The following SYT14 variants were observed in gnomAD, a reference collection of about 807,000 sequenced individuals.
The protein encoded by SYT14 is synaptotagmin 14.
Under a neutral mutation model 74.2 loss-of-function variants are expected in SYT14, and 32 were observed. The ratio of observed to expected loss-of-function variants is 0.43; its 90% confidence interval spans 0.33 to 0.58. The LOEUF (loss-of-function observed/expected upper bound fraction) is 0.58, where lower values mean the gene tolerates loss of function less well. SYT14 is among the 20% of genes least tolerant of loss of function. The probability of loss-of-function intolerance (pLI) is 0.05; values close to 1 mark genes in which losing one functional copy is unlikely to be tolerated. For synonymous variants in SYT14, 298 were observed against 337.7 expected (o/e 0.88, Z 1.29); for missense variants, 791 against 981.8 (o/e 0.81, Z 2.60).
chr1:210,005,255 A>G (rs755353172), intron 2 of SYT14, among the ~76,000 whole-genome samples: 10 of 152,014 alleles, frequency 6.6e-5, no homozygotes, highest in Non-Finnish European at 1.2e-4. Flanking sequence ...CAGGTGTCCT[A>G]ATATTAAAAT....
chr1:209,947,043 A>G (rs753175460), intron 1 of SYT14, among the ~76,000 whole-genome samples: 27 of 152,214 alleles, frequency 1.8e-4, no homozygotes, highest in Admixed American at 1.5e-3. Flanking sequence ...TTTATTGAAT[A>G]TTTTGAGTCT....
At chr1:209,980,018 T>C (rs531113967) in intron 2 of SYT14, among the ~76,000 whole-genome samples, 2 of 152,338 alleles carry the variant, frequency 1.3e-5, no homozygotes. Flanking sequence ...CTCTAGGTTT[T>C]TGAAGAATCA....
intron 5 of SYT14, among the ~76,000 whole-genome samples, chr1:210,080,970 G>A (rs2081605084): frequency 6.6e-6 from 1 of 152,066 alleles, no homozygotes; most frequent in Non-Finnish European, 1.5e-5. Flanking sequence ...GATAATATGT[G>A]AACTTACCCA....
chr1:209,985,799 A>G (rs2079560491), intron 2 of SYT14, among the ~76,000 whole-genome samples: 1 of 152,232 alleles, frequency 6.6e-6, no homozygotes, highest in Admixed American at 6.5e-5. Flanking sequence ...AAGTGCCTAC[A>G]GGCTTAACAC....
At chr1:209,954,853 A>G (rs1010868352) in intron 2 of SYT14, among the ~76,000 whole-genome samples, 1 of 151,826 alleles carries the variant, frequency 6.6e-6, no homozygotes, top group Non-Finnish European at 1.5e-5. Flanking sequence ...TTACAGGCGC[A>G]TGCCACCATG....
chr1:210,168,465 T>C (rs893650455), exon 10 of SYT14: 1 of 152,224 alleles, frequency 6.6e-6, no homozygotes, highest in Admixed American at 6.5e-5. Flanking sequence ...AACATCTTTC[T>C]GTTTATTACA....
At chr1:210,121,744 A>G (rs1170150598) in intron 7 of SYT14, among the ~76,000 whole-genome samples, 1 of 151,818 alleles carries the variant, frequency 6.6e-6, no homozygotes, top group Non-Finnish European at 1.5e-5. Context: ...CAGTGAGCCA[A>G]GATCGCACCA....
chr1:209,969,973 A>G (rs1460474272), intron 2 of SYT14, among the ~76,000 whole-genome samples: 2 of 152,128 alleles, frequency 1.3e-5, no homozygotes, highest in Non-Finnish European at 2.9e-5. Flanking sequence ...TGTCAGATAC[A>G]TAGTTTGCAA....
intron 5 of SYT14, among the ~76,000 whole-genome samples, chr1:210,023,492 T>C (rs540912412): frequency 2.3e-3 from 352 of 152,066 alleles, no homozygotes; most frequent in Non-Finnish European, 4.0e-3. Context: ...TACAGGCGCC[T>C]GCCACCATGC....
intron 7 of SYT14, among the ~76,000 whole-genome samples, chr1:210,115,692 C>A (rs949911804): frequency 6.6e-6 from 1 of 151,186 alleles, no homozygotes; most frequent in African/African-American, 2.5e-5. Context: ...TAAAAAGAGG[C>A]CACTTACCCG....
chr1:210,098,986 C>T (rs1249494494), intron 6 of SYT14, among the ~76,000 whole-genome samples: 1 of 152,020 alleles, frequency 6.6e-6, no homozygotes, highest in Non-Finnish European at 1.5e-5. Flanking sequence ...AGCTAACACT[C>T]AGGAAGGTTT....
chr1:210,028,214 C>T (rs1055331658), intron 5 of SYT14, among the ~76,000 whole-genome samples: 7 of 146,142 alleles, frequency 4.8e-5, no homozygotes, highest in African/African-American at 1.8e-4. Flanking sequence ...CAAGATTCAT[C>T]CATGTTGTAG....
In SYT14 at chr1:210,160,648, C is replaced by T. The variant is rs147736014; in HGVS notation, c.2282-81C>T. 20 of 1,215,130 alleles carry T rather than the reference C, an allele frequency of 1.6e-5. No homozygotes were observed. In the East Asian group the frequency reaches 5.1e-4, roughly 31 times the overall value. The allele number at this position is 1,215,130 out of a possible 1,614,324, so 75.3% of individuals were successfully genotyped here. A position where few individuals can be genotyped will look rare whatever the true frequency, so the allele number is the denominator to read the frequency against. Reference sequence around the variant, plus strand: ...ACCATATCCTTATAAAGTATAAATACTTAATTTTCTTAGCCTATAAAAAAT... The same window carrying T: ...ACCATATCCTTATAAAGTATAAATATTTAATTTTCTTAGCCTATAAAAAAT... On this transcript the variant is annotated intron_variant, in intron 9 of 9. Transcript: ENST00000637265.
At chr1:209,980,307 T>A (rs1247723615) in intron 2 of SYT14, among the ~76,000 whole-genome samples, 1 of 152,166 alleles carries the variant, frequency 6.6e-6, no homozygotes, top group South Asian at 2.1e-4. Context: ...GGTTTTTTTC[T>A]TGTAAATTTG....
chr1:210,061,350 A>C (rs2081204401), intron 5 of SYT14, among the ~76,000 whole-genome samples: 1 of 151,964 alleles, frequency 6.6e-6, no homozygotes, highest in Non-Finnish European at 1.5e-5. Context: ...AAATTATCAA[A>C]ATATATGCGT....
chr1:209,995,032 C>CA (rs1460553049), intron 2 of SYT14, among the ~76,000 whole-genome samples: 3 of 152,120 alleles, frequency 2.0e-5, no homozygotes, highest in Non-Finnish European at 4.4e-5. Flanking sequence ...TCTGATACCA[C>CA]AAAAACACAC....
intron 5 of SYT14, among the ~76,000 whole-genome samples, chr1:210,090,540 A>G (rs2081845829): frequency 6.6e-6 from 1 of 152,182 alleles, no homozygotes; most frequent in Admixed American, 6.5e-5. Context: ...GTGCTATGCA[A>G]TATGCAGATG....
intron 1 of SYT14, among the ~76,000 whole-genome samples, chr1:209,948,363 G>A (rs572665040): frequency 9.3e-4 from 142 of 152,238 alleles, no homozygotes; most frequent in Non-Finnish European, 1.4e-3. Context: ...CACAGCACAC[G>A]TGTGTGCCCA....
intron 5 of SYT14, among the ~76,000 whole-genome samples, chr1:210,066,061 A>T (rs367972711): frequency 6.6e-6 from 1 of 151,216 alleles, no homozygotes. Context: ...TGAACTCATC[A>T]TTTTTTATGG....
Sources: allele counts gnomAD v4.1 joint callset (sites outside exome capture counted in the v4.1 genomes callset), GRCh38; gene constraint gnomAD v4.1.1; transcripts MANE v1.5; gene names NCBI Gene and HGNC (gene_info 2026-07-23, HGNC 2026-07-21).